Variants in ACACA observed in about 807,000 individuals in gnomAD.
The protein encoded by ACACA is acetyl-CoA carboxylase 1.
A neutral mutation model predicts 296.1 loss-of-function variants in ACACA; 103 were observed. The ratio of observed to expected loss-of-function variants is 0.35; its 90% CI spans 0.30 to 0.41. ACACA has a LOEUF of 0.41. ACACA is among the 10% of genes least tolerant of loss of function. The pLI is 1.00. For synonymous variants in ACACA, 953 were observed against 1,038.6 expected (o/e 0.92, Z 1.58); for missense variants, 1,554 against 2,989.7 (o/e 0.52, Z 11.20).
chr17:37,392,782 C>CAT (rs1020578733), intron 1 of ACACA: 28 of 152,176 alleles, frequency 1.8e-4, no homozygotes, highest in African/African-American at 6.7e-4. Flanking sequence ...ATTTAATATT[C>CAT]AAGTCCAGCC....
intron 41 of ACACA, among the ~76,000 whole-genome samples, chr17:37,173,998 ATATATATATATATATATATATATTTT>A (rs1163595898): frequency 7.2e-4 from 6 of 8,326 alleles, no homozygotes; most frequent in Non-Finnish European, 1.0e-3. Context: ...ATATATATAT[ATATATATATATATATATATATATTTT>A]TTTTTTTTTT....
At chr17:37,341,046 G>A (rs1016698280) in intron 1 of ACACA, among the ~76,000 whole-genome samples, 1 of 152,080 alleles carries the variant, frequency 6.6e-6, no homozygotes, top group Non-Finnish European at 1.5e-5. Flanking sequence ...ACTCCAGCCT[G>A]GGCAACATAG....
chr17:37,327,653 G>A (rs1053864418), intron 3 of ACACA, among the ~76,000 whole-genome samples: 4 of 152,144 alleles, frequency 2.6e-5, no homozygotes, highest in African/African-American at 9.7e-5. Flanking sequence ...TCTCACCATA[G>A]CCAAACTCAG....
At chr17:37,346,762 C>A (rs1022920886) in intron 1 of ACACA, among the ~76,000 whole-genome samples, 4 of 151,714 alleles carry the variant, frequency 2.6e-5, no homozygotes, top group African/African-American at 9.7e-5. Flanking sequence ...TTGCATGGAG[C>A]CTGTAGCCCC....
intron 3 of ACACA, among the ~76,000 whole-genome samples, chr17:37,324,390 G>T (rs2047494821): frequency 6.7e-6 from 1 of 149,962 alleles, no homozygotes; most frequent in African/African-American, 2.5e-5. Flanking sequence ...AATAAGCCAG[G>T]TGTGGTGGCT....
chr17:37,234,634 AG>A (rs535711688), intron 25 of ACACA, among the ~76,000 whole-genome samples: 45 of 152,322 alleles, frequency 3.0e-4, no homozygotes, highest in Non-Finnish European at 5.4e-4. Context: ...AGTTAAAATT[AG>A]AATATATTGG....
intron 3 of ACACA, chr17:37,329,113 G>C: frequency 5.1e-6 from 2 of 395,848 alleles, no homozygotes; most frequent in Non-Finnish European, 8.9e-6. Context: ...TGTTTCTAGA[G>C]AAAAAGGAGA....
At chr17:37,125,877 T>G (rs958069727) in intron 47 of ACACA, 83 bp from the exon 48 acceptor site, 2 of 1,225,702 alleles carry the variant, frequency 1.6e-6, no homozygotes, top group Non-Finnish European at 2.4e-6. Context: ...TTTAAGGTGG[T>G]TTGGGGGATT....
chr17:37,277,503 T>A (rs1294070344), intron 6 of ACACA, among the ~76,000 whole-genome samples: 1 of 152,154 alleles, frequency 6.6e-6, no homozygotes, highest in Non-Finnish European at 1.5e-5. Context: ...AGTTTAGAGT[T>A]TTTTCCTCTT....
intron 54 of ACACA, among the ~76,000 whole-genome samples, chr17:37,090,201 A>G (rs1174328043): frequency 3.3e-5 from 5 of 152,222 alleles, no homozygotes; most frequent in African/African-American, 1.2e-4. Context: ...AGAGGCCTCA[A>G]GCAGTACAAA....
chr17:37,325,692 A>G (rs991370290), intron 3 of ACACA, among the ~76,000 whole-genome samples: 3 of 139,174 alleles, frequency 2.2e-5, no homozygotes, highest in Non-Finnish European at 4.5e-5. Context: ...CTCCTGCCTC[A>G]GCCTCTCGAC....
intron 41 of ACACA, among the ~76,000 whole-genome samples, chr17:37,174,003 TATATATATATATATATA>T (rs562348271): frequency 3.4e-3 from 45 of 13,208 alleles, no homozygotes; most frequent in East Asian, 0.019. Flanking sequence ...TATATATATA[TATATATATATATATATA>T]TTTTTTTTTT....
In ACACA at chr17:37,277,123, G is replaced by A; in HGVS notation, c.721-9C>T. The A allele has an allele frequency of 6.2e-7, 1 of 1,609,700 alleles. No homozygotes were observed. The highest frequency in any genetic ancestry group is 8.5e-7 in the Non-Finnish European group (1 of 1,175,980). ...CAGCCAGCCCACACTGCCTGCAAGG[G>A]AATACAATATAATTCATTCTTAAAA... On this transcript the variant is annotated splice_polypyrimidine_tract_variant and intron_variant, in intron 6 of 55. Coordinates refer to ENST00000616317, the MANE Select transcript of ACACA (RefSeq NM_198834.3).
At position 37,272,941 on chromosome 17, in the gene ACACA, T is replaced by C. The variant is rs150363787; in HGVS notation, c.1008+1252A>G. ...TTGCATGTGGCTTTATCATCATCTT[T>C]GGCTTTTCAAATTTTCTACCAGAAA... On this transcript the variant is annotated intron_variant, in intron 9 of 55. Coordinates refer to ENST00000616317, the MANE Select transcript of ACACA (RefSeq NM_198834.3). Among the ~76,000 whole-genome samples, 938 of 152,292 alleles carry C rather than the reference T, an allele frequency of 6.2e-3. 7 individuals are homozygous for C. Among genetic ancestry groups the C allele is most frequent in the African/African-American group, 0.021 (880 of 41,570 alleles).
intron 11 of ACACA, among the ~76,000 whole-genome samples, chr17:37,260,290 A>T (rs1414353936): frequency 0.073 from 1,271 of 17,512 alleles, 95 homozygotes; most frequent in East Asian, 0.3. Context: ...ATATATATAT[A>T]TATATATTTT....
intron 1 of ACACA, among the ~76,000 whole-genome samples, chr17:37,349,696 A>G (rs555645134): frequency 1.5e-3 from 222 of 151,394 alleles, no homozygotes; most frequent in Non-Finnish European, 1.8e-3. Flanking sequence ...AGCTGGGATT[A>G]CAGGTACCCA....
In ACACA at chr17:37,390,236, AATATATTATAT is replaced by A. The variant is rs1372753088; in HGVS notation, c.38+16015_38+16025del. ...ATATTTATTATATATAATTATATAT[AATATATTATAT>A]ATATATTATATATAATTATATATAA... On this transcript the variant is annotated intron_variant, in intron 1 of 55. Transcript: ENST00000616317. 6.6e-3 allele frequency among the ~76,000 whole-genome samples: 328 copies of A among 49,946 alleles called. 12 individuals are homozygous for A. The East Asian group carries it at 0.092, about 14-fold the overall frequency. 32.8% of individuals were successfully genotyped at this position (49,946 alleles called of 152,430 possible).
intron 3 of ACACA, among the ~76,000 whole-genome samples, chr17:37,302,370 A>C (rs1466914731): frequency 6.6e-6 from 1 of 151,722 alleles, no homozygotes; most frequent in Non-Finnish European, 1.5e-5. Context: ...CCACCATGCC[A>C]GGCTAATATT....
intron 1 of ACACA, among the ~76,000 whole-genome samples, chr17:37,353,637 TAAAAAAAAAAAAAAAA>T (rs1169088763): frequency 1.9e-3 from 109 of 56,696 alleles, no homozygotes; most frequent in Non-Finnish European, 2.4e-3. Flanking sequence ...AGACTCCGTC[TAAAAAAAAAAAAAAAA>T]AAAAAAAAAA....
Sources: allele counts gnomAD v4.1 joint callset (sites outside exome capture counted in the v4.1 genomes callset), GRCh38; gene constraint gnomAD v4.1.1; transcripts MANE v1.5; gene names NCBI Gene and HGNC (gene_info 2026-07-23, HGNC 2026-07-21).